COLGALT2: variants seen among roughly 807,000 people sequenced by gnomAD.
The protein encoded by COLGALT2 is collagen beta(1-O)galactosyltransferase 2.
In COLGALT2, 49 loss-of-function variants were observed where a neutral mutation model predicts 73.4. The observed-to-expected ratio is 0.67, with a 90% CI of 0.53 to 0.85. COLGALT2 has a LOEUF of 0.85. Among genes scored for constraint, COLGALT2 ranks in the 40% least tolerant of loss-of-function variants. The probability of loss-of-function intolerance (pLI) is 0.00; values close to 1 mark genes in which losing one functional copy is unlikely to be tolerated. For missense variants in COLGALT2, 722 were observed against 790.2 expected, an observed-to-expected ratio of 0.91 and a Z score of 1.03; for synonymous variants, 295 against 307.6, an observed-to-expected ratio of 0.96 and a Z score of 0.43.
At chr1:184,011,053 G>T (rs188051034) in intron 1 of COLGALT2, among the ~76,000 whole-genome samples, 1 of 152,310 alleles carries the variant, frequency 6.6e-6, no homozygotes, top group East Asian at 1.9e-4. Context: ...GCCATTACTT[G>T]ACATATAATT....
rs748125234 is a variant in COLGALT2, at chr1:183,963,970, GGAT to G, written c.880_882del (p.Ile294del). ...TGCAGTGTCTGATGGGGCTTCAGGG[GGAT>G]GGGCAGGTAGCCATAGTGCTCTCTG... On this transcript the variant is annotated inframe_deletion, in exon 6 of 12. Coordinates refer to ENST00000361927, the MANE Select transcript of COLGALT2 (RefSeq NM_015101.4). 1.2e-6 allele frequency: 2 copies of G among 1,613,550 alleles called. No individual in the cohort carries two copies. The highest frequency in any genetic ancestry group is 2.2e-5 in the South Asian group (2 of 90,948).
intron 1 of COLGALT2, among the ~76,000 whole-genome samples, chr1:183,994,092 G>A (rs1487377397): frequency 7.6e-6 from 1 of 131,812 alleles, no homozygotes; most frequent in Non-Finnish European, 1.5e-5. Flanking sequence ...AGGCTGGAGT[G>A]CAGTGGTGTG....
intron 1 of COLGALT2, among the ~76,000 whole-genome samples, chr1:183,993,433 T>C (rs945336282): frequency 1.3e-5 from 2 of 152,216 alleles, no homozygotes; most frequent in African/African-American, 4.8e-5. Context: ...CTGGCTTTCA[T>C]TGGGGTGTGT....
rs1649195634 is a variant in COLGALT2, at chr1:184,022,014, C to A, written c.263+15081G>T. On this transcript the variant is annotated intron_variant, in intron 1 of 11. Coordinates refer to ENST00000361927, the MANE Select transcript of COLGALT2 (RefSeq NM_015101.4). ...AAAGGATACTGTATTATTCTGGCAG[C>A]CAGAGTAAACTTGGGGCAGGCTGTA... 5.3e-5 allele frequency among the ~76,000 whole-genome samples: 8 copies of A among 152,306 alleles called. No homozygotes were observed. The South Asian group carries it at 1.7e-3, about 32-fold the overall frequency.
chr1:183,956,949 C>T (rs1210421422), intron 6 of COLGALT2, among the ~76,000 whole-genome samples: 4 of 152,242 alleles, frequency 2.6e-5, no homozygotes, highest in Middle Eastern at 3.4e-3. Flanking sequence ...TATATCCTGG[C>T]TTCTGTTTGT....
chr1:183,944,087 T>A (rs1156644569), intron 10 of COLGALT2, 109 bp downstream of exon 10: 2 of 1,256,282 alleles, frequency 1.6e-6, no homozygotes, highest in Non-Finnish European at 2.1e-6. Context: ...ACTAGATAAG[T>A]GGAAGCTTAA....
At chr1:183,962,569 C>A (rs542061306) in intron 6 of COLGALT2, among the ~76,000 whole-genome samples, 1 of 152,244 alleles carries the variant, frequency 6.6e-6, no homozygotes, top group East Asian at 1.9e-4. Context: ...CTCTATGCCT[C>A]CCTTTTGCTC....
At chr1:183,945,382 T>C in intron 9 of COLGALT2, 50 bp downstream of exon 9, 1 of 1,598,438 alleles carries the variant, frequency 6.3e-7, no homozygotes, top group South Asian at 1.1e-5. Context: ...GATAGCCTGC[T>C]TTCCTTTCTC....
intron 8 of COLGALT2, among the ~76,000 whole-genome samples, chr1:183,947,364 T>A (rs1670280433): frequency 6.6e-6 from 1 of 152,188 alleles, no homozygotes; most frequent in African/African-American, 2.4e-5. Context: ...ATATAGGTCA[T>A]AAATTAAGTG....
intron 1 of COLGALT2, among the ~76,000 whole-genome samples, chr1:183,981,724 T>C (rs1671356901): frequency 6.6e-6 from 1 of 152,194 alleles, no homozygotes; most frequent in Non-Finnish European, 1.5e-5. Flanking sequence ...TTATAGTTTT[T>C]AATTGGTTTT....
At chr1:184,037,067 C>G in intron 1 of COLGALT2, 28 bp downstream of exon 1, 1 of 1,467,896 alleles carries the variant, frequency 6.8e-7, no homozygotes, top group South Asian at 1.4e-5. Flanking sequence ...CGTCCCGCCG[C>G]GGCGGCCCGG....
Position 183,938,589 on chromosome 1 carries a change from C to T in COLGALT2, c.*172G>A. The T allele has an allele frequency of 7.0e-7, 1 of 1,421,320 alleles. No homozygotes were observed. Among genetic ancestry groups the T allele is most frequent in the Non-Finnish European group, 9.2e-7 (1 of 1,088,572 alleles). The allele number at this position is 1,421,320 out of a possible 1,614,324, so 88.0% of individuals were successfully genotyped here. ...AATTTGGGTTGAATTTCCTTATTTC[C>T]TTCCATGGTCAAAAATATGTTAATT... is the stretch of plus-strand genomic sequence containing the variant. On this transcript the variant is annotated 3_prime_UTR_variant, in exon 12 of 12. Transcript: ENST00000361927.
At chr1:183,933,704 A>C (rs1031501476), downstream of COLGALT2, among the ~76,000 whole-genome samples, 7 of 152,056 alleles carry the variant, frequency 4.6e-5, no homozygotes, top group African/African-American at 1.4e-4. Context: ...CCACCCAGCC[A>C]CCCGTGGAAT....
In COLGALT2 at chr1:183,940,621, C is replaced by G; in HGVS notation, c.1564G>C (p.Val522Leu). 6.2e-7 allele frequency: 1 copy of G among 1,614,246 alleles called. No homozygotes were observed. Among genetic ancestry groups the G allele is most frequent in the Non-Finnish European group, 8.5e-7 (1 of 1,180,046 alleles). The change falls in exon 11 of 12, where the codon GTG becomes CTG. Residue 522 changes from valine to leucine, a missense_variant. Physicochemically the swap from Val to Leu is conservative, Grantham distance 32. Coordinates refer to ENST00000361927, the MANE Select transcript of COLGALT2 (RefSeq NM_015101.4). ...TACATGACTGGCAGAAACTCATCCA[C>G]TGGCAGCATCTTCCCAAAAGGATTG... The part of the protein sequence containing the change: ...GANPFGKMLP[V>L]DEFLPVMYNK...
chr1:183,997,061 T>C (rs1671790221), intron 1 of COLGALT2, among the ~76,000 whole-genome samples: 1 of 152,090 alleles, frequency 6.6e-6, no homozygotes, highest in Admixed American at 6.5e-5. Flanking sequence ...TGTAAAAAGC[T>C]CTATAGAACA....
chr1:184,006,182 C>G (rs1286881939), intron 1 of COLGALT2, among the ~76,000 whole-genome samples: 1 of 152,188 alleles, frequency 6.6e-6, no homozygotes, highest in African/African-American at 2.4e-5. Flanking sequence ...ATATGTTGAA[C>G]ATTTAACTTG....
chr1:183,990,087 T>C (rs1671592091), intron 1 of COLGALT2, among the ~76,000 whole-genome samples: 2 of 152,224 alleles, frequency 1.3e-5, no homozygotes, highest in Non-Finnish European at 2.9e-5. Flanking sequence ...AAGATACACA[T>C]GCCCATAGCA....
In COLGALT2 at chr1:183,949,543, T is replaced by C. The variant is rs192889696; in HGVS notation, c.1136+1464A>G. On this transcript the variant is annotated intron_variant, in intron 8 of 11. Coordinates refer to ENST00000361927, the MANE Select transcript of COLGALT2 (RefSeq NM_015101.4). ...ATAACCATGTGCAAAAGAATGAATA[T>C]GGATCCCTGCCTCATGCCATATACA... is the stretch of plus-strand genomic sequence containing the variant. Among the ~76,000 whole-genome samples the C allele has an allele frequency of 2.0e-5, 3 of 152,314 alleles. No homozygotes were observed. The East Asian group carries it at 5.8e-4, about 29-fold the overall frequency.
intron 1 of COLGALT2, among the ~76,000 whole-genome samples, chr1:183,991,597 G>A (rs1346243200): frequency 6.6e-6 from 1 of 152,092 alleles, no homozygotes; most frequent in Admixed American, 6.5e-5. Context: ...TTTCAGGAGG[G>A]AGAGACAAAT....
Sources: allele counts gnomAD v4.1 joint callset (sites outside exome capture counted in the v4.1 genomes callset), GRCh38; gene constraint gnomAD v4.1.1; transcripts MANE v1.5; gene names NCBI Gene and HGNC (gene_info 2026-07-23, HGNC 2026-07-21).